The following MCTP1 variants were observed in gnomAD, a reference collection of about 807,000 sequenced individuals.
MCTP1 encodes multiple C2 and transmembrane domain containing 1, also known as multiple C2 and transmembrane domain-containing protein 1.
A neutral mutation model predicts 120.6 loss-of-function variants in MCTP1; 69 were observed. The observed-to-expected ratio is 0.57, with a 90% confidence interval of 0.47 to 0.70. The LOEUF (loss-of-function observed/expected upper bound fraction) is 0.70, where lower values mean the gene tolerates loss of function less well. Ranked by LOEUF, MCTP1 falls within the 30% of genes least tolerant of loss-of-function variation. The probability of loss-of-function intolerance (pLI) is 0.00; values close to 1 mark genes in which losing one functional copy is unlikely to be tolerated. For synonymous variants in MCTP1, 529 were observed against 493.1 expected, an observed-to-expected ratio of 1.07 and a Z score of -0.96; for missense variants, 1,203 against 1,248.8, an observed-to-expected ratio of 0.96 and a Z score of 0.55.
intron 17 of MCTP1, among the ~76,000 whole-genome samples, chr5:94,813,490 C>T (rs1055885916): frequency 2.0e-5 from 3 of 152,136 alleles, no homozygotes; most frequent in African/African-American, 7.2e-5. Context: ...CATATGCCTA[C>T]ATAAAGATAC....
intron 1 of MCTP1, among the ~76,000 whole-genome samples, chr5:95,089,895 A>G (rs1755713584): frequency 6.6e-6 from 1 of 152,176 alleles, no homozygotes; most frequent in Non-Finnish European, 1.5e-5. Flanking sequence ...CAATTTGTAT[A>G]GTCTGGTTAT....
At chr5:94,906,732 G>C (rs1469675949) in intron 10 of MCTP1, among the ~76,000 whole-genome samples, 3 of 152,086 alleles carry the variant, frequency 2.0e-5, no homozygotes, top group Admixed American at 6.5e-5. Flanking sequence ...AGTCTATATA[G>C]ATAATGTAAT....
intron 1 of MCTP1, among the ~76,000 whole-genome samples, chr5:95,179,553 A>T (rs1748380096): frequency 6.6e-6 from 1 of 152,014 alleles, no homozygotes; most frequent in Admixed American, 6.5e-5. Flanking sequence ...ATTATCAACC[A>T]AGAATTTTTT....
chr5:94,790,194 GGT>G (rs1778591879), intron 18 of MCTP1, among the ~76,000 whole-genome samples: 1 of 152,188 alleles, frequency 6.6e-6, no homozygotes, highest in East Asian at 1.9e-4. Context: ...GTAAGACTCA[GGT>G]GTGTCAGTCA....
At chr5:95,092,184 ATTTTG>A (rs1397840167) in intron 1 of MCTP1, among the ~76,000 whole-genome samples, 4 of 152,110 alleles carry the variant, frequency 2.6e-5, no homozygotes, top group Non-Finnish European at 4.4e-5. Context: ...TTGTTGTTTT[ATTTTG>A]TTTTGTTTAG....
intron 19 of MCTP1, among the ~76,000 whole-genome samples, chr5:94,735,818 T>C (rs1385215147): frequency 2.6e-5 from 4 of 152,166 alleles, no homozygotes; most frequent in Admixed American, 2.6e-4. Flanking sequence ...GCATTATATC[T>C]AAGGTATCTA....
chr5:94,826,573 C>T, intron 17 of MCTP1: 1 of 739,320 alleles, frequency 1.4e-6, no homozygotes, highest in Non-Finnish European at 2.4e-6. Flanking sequence ...CCTTTCAAAG[C>T]ATCTTTTGGG....
At chr5:95,228,379 T>C (rs1312424035) in intron 1 of MCTP1, among the ~76,000 whole-genome samples, 1 of 151,686 alleles carries the variant, frequency 6.6e-6, no homozygotes, top group Non-Finnish European at 1.5e-5. Context: ...ATCAATCTTA[T>C]AGAGGAAGAA....
chr5:95,176,966 G>A (rs1189750845), intron 1 of MCTP1, among the ~76,000 whole-genome samples: 3 of 151,506 alleles, frequency 2.0e-5, no homozygotes, highest in Admixed American at 6.6e-5. Flanking sequence ...CTGGGTTCAC[G>A]CCATTCTCCT....
At chr5:94,782,350 T>G (rs997334897) in intron 18 of MCTP1, among the ~76,000 whole-genome samples, 32 of 152,160 alleles carry the variant, frequency 2.1e-4, no homozygotes, top group African/African-American at 7.5e-4. Flanking sequence ...GGGGTACAGG[T>G]AGAAGTGTGG....
intron 17 of MCTP1, among the ~76,000 whole-genome samples, chr5:94,807,538 G>A (rs1331271322): frequency 6.6e-6 from 1 of 152,130 alleles, no homozygotes; most frequent in Non-Finnish European, 1.5e-5. Context: ...CACTGTTTGT[G>A]AATTAACCCC....
At chr5:95,261,324 C>T (rs371415085) in intron 1 of MCTP1, among the ~76,000 whole-genome samples, 2 of 152,192 alleles carry the variant, frequency 1.3e-5, no homozygotes, top group East Asian at 3.9e-4. Flanking sequence ...ATGCAGTGGG[C>T]GCTTTATAAT....
In MCTP1 at chr5:94,704,343, T is replaced by TAAC; in HGVS notation, c.*3150_*3152dup. ...CTTGTATTTCTGGAGCAAAAAGGTATAACTGCCTTATACCTTTTTGTTTGT... is the reference window on the plus strand; with the variant it reads ...CTTGTATTTCTGGAGCAAAAAGGTATAACAACTGCCTTATACCTTTTTGTTTGT... On this transcript the variant is annotated 3_prime_UTR_variant, in exon 23 of 23. Coordinates refer to ENST00000515393, the MANE Select transcript of MCTP1 (RefSeq NM_024717.7). The TAAC allele has an allele frequency of 6.6e-6, 1 of 151,694 alleles. No individual in the cohort carries two copies. Among genetic ancestry groups the TAAC allele is most frequent in the Admixed American group, 6.6e-5 (1 of 15,204 alleles). The allele number at this position is 151,694 out of a possible 1,614,324, so 9.4% of individuals were successfully genotyped here. A position where few individuals can be genotyped will look rare whatever the true frequency, so the allele number is the denominator to read the frequency against.
At chr5:95,120,294 A>C (rs1758130266) in intron 1 of MCTP1, among the ~76,000 whole-genome samples, 1 of 152,170 alleles carries the variant, frequency 6.6e-6, no homozygotes, top group South Asian at 2.1e-4. Flanking sequence ...AATGATTCAG[A>C]AAAATAAAGG....
intron 1 of MCTP1, among the ~76,000 whole-genome samples, chr5:95,173,299 T>C (rs749623851): frequency 1.7e-4 from 26 of 152,108 alleles, no homozygotes; most frequent in Non-Finnish European, 3.5e-4. Context: ...TCTATTCAAA[T>C]TGCAAGAACT....
intron 1 of MCTP1, among the ~76,000 whole-genome samples, chr5:95,113,396 T>C (rs998187032): frequency 2.0e-5 from 3 of 152,016 alleles, no homozygotes; most frequent in Non-Finnish European, 4.4e-5. Flanking sequence ...AAAAGCAGTC[T>C]TGAATTGCTG....
intron 17 of MCTP1, among the ~76,000 whole-genome samples, chr5:94,816,300 G>T (rs1042833507): frequency 6.6e-6 from 1 of 152,194 alleles, no homozygotes; most frequent in East Asian, 1.9e-4. Context: ...CCCATGGGAA[G>T]TGTGTATCCA....
At chr5:95,185,151 T>A (rs1202599087) in intron 1 of MCTP1, among the ~76,000 whole-genome samples, 1 of 152,156 alleles carries the variant, frequency 6.6e-6, no homozygotes, top group Non-Finnish European at 1.5e-5. Context: ...ACACAACCAT[T>A]CTGAGAAAAC....
At chr5:95,212,445 C>T (rs1752498194) in intron 1 of MCTP1, among the ~76,000 whole-genome samples, 1 of 152,020 alleles carries the variant, frequency 6.6e-6, no homozygotes, top group Admixed American at 6.6e-5. Flanking sequence ...CAAGGAGGAA[C>T]TGGTACCATT....
Sources: allele counts gnomAD v4.1 joint callset (sites outside exome capture counted in the v4.1 genomes callset), GRCh38; gene constraint gnomAD v4.1.1; transcripts MANE v1.5; gene names NCBI Gene and HGNC (gene_info 2026-07-23, HGNC 2026-07-21).